The following WASL variants were observed in gnomAD, a reference collection of about 807,000 sequenced individuals.
WASL encodes the protein WASP like actin nucleation promoting factor, also known as actin nucleation-promoting factor WASL.
WASL carries 20 observed loss-of-function variants against 55.5 expected under a neutral mutation model. The ratio of observed to expected loss-of-function variants is 0.36; its 90% CI spans 0.25 to 0.52. WASL has a LOEUF of 0.52. Ranked by LOEUF, WASL falls within the 20% of genes least tolerant of loss-of-function variation. The pLI is 0.92. For synonymous variants in WASL, 249 were observed against 217.6 expected, an observed-to-expected ratio of 1.14 and a Z score of -1.27; for missense variants, 504 against 622.5, an observed-to-expected ratio of 0.81 and a Z score of 2.03.
Position 123,714,359 on chromosome 7 carries a change from AAAAC to A in WASL, c.118-5140_118-5137del, listed in dbSNP as rs1335008905. On this transcript the variant is annotated intron_variant, in intron 1 of 10. Transcript: ENST00000223023. Reference sequence around the variant, plus strand: ...GAGAAATAACCAGAAAAGAAAAGAGAAAACAAACAAAAACAGTACACGTTTTAAA... The same window carrying A: ...GAGAAATAACCAGAAAAGAAAAGAGAAAACAAAAACAGTACACGTTTTAAA... Among the ~76,000 whole-genome samples the A allele has an allele frequency of 3.9e-5, 6 of 152,290 alleles. No individual in the cohort carries two copies. In the East Asian group the frequency reaches 1.2e-3, roughly 29 times the overall value.
At chr7:123,717,507 C>T (rs71574757) in intron 1 of WASL, among the ~76,000 whole-genome samples, 123 of 152,288 alleles carry the variant, frequency 8.1e-4, no homozygotes, top group African/African-American at 2.9e-3. Context: ...ATGATGCATC[C>T]GGACTCAATC....
At chr7:123,695,768 G>T (rs1315615805) in intron 7 of WASL, 55 bp downstream of exon 7, 1 of 1,555,924 alleles carries the variant, frequency 6.4e-7, no homozygotes, top group Non-Finnish European at 8.8e-7. Flanking sequence ...ATCTAAAATA[G>T]GCCAACACAT....
intron 2 of WASL, among the ~76,000 whole-genome samples, chr7:123,707,103 C>T (rs1803684340): frequency 1.3e-5 from 2 of 152,094 alleles, no homozygotes; most frequent in Admixed American, 1.3e-4. Context: ...TTTCCAAATT[C>T]AGCTACTTGG....
intron 5 of WASL, among the ~76,000 whole-genome samples, chr7:123,700,485 G>C (rs1234490119): frequency 6.6e-6 from 1 of 151,566 alleles, no homozygotes; most frequent in Non-Finnish European, 1.5e-5. Flanking sequence ...CTCTCGCCCA[G>C]GCTGGAGTGC....
chr7:123,715,103 C>A (rs1439423034), intron 1 of WASL, among the ~76,000 whole-genome samples: 1 of 152,152 alleles, frequency 6.6e-6, no homozygotes, highest in Non-Finnish European at 1.5e-5. Flanking sequence ...AGTTTGGAAA[C>A]CTTGACTGGA....
chr7:123,688,959 G>T (rs1803346326), intron 10 of WASL, 83 bp downstream of exon 10: 2 of 1,181,244 alleles, frequency 1.7e-6, no homozygotes, highest in Non-Finnish European at 2.5e-6. Flanking sequence ...AAAAATAACA[G>T]AACGTCAAAC....
Position 123,741,269 on chromosome 7 carries a change from A to G in WASL, c.117+7349T>C, listed in dbSNP as rs535780094. Among the ~76,000 whole-genome samples, 3 of 152,292 alleles carry G rather than the reference A, an allele frequency of 2.0e-5. No homozygotes were observed. In the South Asian group the frequency reaches 6.2e-4, roughly 32 times the overall value. ...CAGCTCACATTTATTTCATTAATTA[A>G]TATTAGAAGTGTTTTTGTCTTTATT... is the stretch of plus-strand genomic sequence containing the variant. On this transcript the variant is annotated intron_variant, in intron 1 of 10. Coordinates refer to ENST00000223023, the MANE Select transcript of WASL (RefSeq NM_003941.4).
At chr7:123,709,797 C>A (rs754131681) in intron 1 of WASL, among the ~76,000 whole-genome samples, 20 of 152,086 alleles carry the variant, frequency 1.3e-4, no homozygotes, top group Non-Finnish European at 2.2e-4. Context: ...GTATTACCAC[C>A]CTGGAAGGCA....
At chr7:123,727,979 T>C (rs1325269687) in intron 1 of WASL, among the ~76,000 whole-genome samples, 1 of 152,166 alleles carries the variant, frequency 6.6e-6, no homozygotes, top group African/African-American at 2.4e-5. Context: ...AATGTAACCT[T>C]ACTTGCTTTA....
At chr7:123,708,464 A>T (rs1442542446) in intron 2 of WASL, among the ~76,000 whole-genome samples, 3 of 152,108 alleles carry the variant, frequency 2.0e-5, no homozygotes, top group African/African-American at 4.8e-5. Flanking sequence ...AAGGTTTTTT[A>T]AAAAAATAAT....
At chr7:123,737,087 T>C (rs1025924524) in intron 1 of WASL, among the ~76,000 whole-genome samples, 2 of 152,194 alleles carry the variant, frequency 1.3e-5, no homozygotes, top group African/African-American at 4.8e-5. Flanking sequence ...CTGGGCCACA[T>C]TCAAAGAAGA....
chr7:123,741,859 G>A (rs1318098729), intron 1 of WASL, among the ~76,000 whole-genome samples: 1 of 152,110 alleles, frequency 6.6e-6, no homozygotes. Flanking sequence ...CTGTACTTTG[G>A]CCAACGCTTA....
chr7:123,684,492 AATAT>A lies in WASL; in HGVS notation c.*23_*26del, dbSNP rs5887151. The A allele has an allele frequency of 6.9e-3, 3,387 of 491,874 alleles. No individual in the cohort carries two copies. Among genetic ancestry groups the A allele is most frequent in the South Asian group, 0.015 (251 of 17,042 alleles). The allele number at this position is 491,874 out of a possible 1,614,324, so 30.5% of individuals were successfully genotyped here. On this transcript the variant is annotated 3_prime_UTR_variant, in exon 11 of 11. Transcript: ENST00000223023. ...GTAGTGTTTAGTATTTCACCTTAAA[AATAT>A]ATATATATATATAATATATAGATCA...
chr7:123,717,632 T>C (rs1803867768), intron 1 of WASL, among the ~76,000 whole-genome samples: 1 of 152,226 alleles, frequency 6.6e-6, no homozygotes, highest in Non-Finnish European at 1.5e-5. Flanking sequence ...AAATGAGATG[T>C]AAAGTTCTCC....
At position 123,689,146 on chromosome 7, in the gene WASL, G is replaced by A. The variant is rs897383305; in HGVS notation, c.1352C>T (p.Ala451Val). 9 of 1,611,204 alleles carry A rather than the reference G, an allele frequency of 5.6e-6. No individual in the cohort carries two copies. The highest frequency in any genetic ancestry group is 5.4e-5 in the African/African-American group (4 of 74,694). ...TGGTGGTGTAGACTCTTGGCCATCAGCCACCTTGGAAAAGAAAGTTAGCAA... is the reference window on the plus strand; with the variant it reads ...TGGTGGTGTAGACTCTTGGCCATCAACCACCTTGGAAAAGAAAGTTAGCAA... ...IRQGIQLKSV[A>V]DGQESTPPTP... The change falls in exon 10 of 11, where the codon GCT (alanine) becomes GTT (valine). Residue 451 changes from alanine to valine, a missense_variant. This residue lies in a region of WASL where 53 missense variants were observed against 69.1 expected (regional missense o/e 0.77). Transcript: ENST00000223023.
At chr7:123,707,553 G>A (rs1017861587) in intron 2 of WASL, among the ~76,000 whole-genome samples, 4 of 152,156 alleles carry the variant, frequency 2.6e-5, no homozygotes, top group African/African-American at 9.7e-5. Flanking sequence ...GAAATAAGTG[G>A]TTAGAGAAAG....
intron 1 of WASL, among the ~76,000 whole-genome samples, chr7:123,734,934 A>G (rs1412612715): frequency 6.6e-6 from 1 of 152,112 alleles, no homozygotes; most frequent in Non-Finnish European, 1.5e-5. Flanking sequence ...CTTTCTGCAC[A>G]ATTTTCCTGT....
Position 123,748,845 on chromosome 7 carries a change from C to A in WASL, c.-111G>T. On this transcript the variant is annotated 5_prime_UTR_variant, in exon 1 of 11. An upstream start codon of the reference 5' UTR is lost. Coordinates refer to ENST00000223023, the MANE Select transcript of WASL (RefSeq NM_003941.4). ...GGGAGAAGTGGAGTCAGAGGCGCCA[C>A]ATCTCGCAGCTCCTCCGGAGCGGGG... 1.2e-6 allele frequency: 1 copy of A among 850,302 alleles called. No homozygotes were observed. The highest frequency in any genetic ancestry group is 1.8e-5 in the South Asian group (1 of 56,724). 52.7% of individuals were successfully genotyped at this position (850,302 alleles called of 1,614,324 possible). A position where few individuals can be genotyped will look rare whatever the true frequency, so the allele number is the denominator to read the frequency against.
chr7:123,748,972 G>A lies in WASL; in HGVS notation c.-238C>T, dbSNP rs757467750. 1.8e-4 allele frequency: 96 copies of A among 537,766 alleles called. No individual in the cohort carries two copies. The highest frequency in any genetic ancestry group is 2.8e-4 in the Non-Finnish European group (86 of 306,188). The allele number at this position is 537,766 out of a possible 1,614,324, so 33.3% of individuals were successfully genotyped here. A position where few individuals can be genotyped will look rare whatever the true frequency, so the allele number is the denominator to read the frequency against. On this transcript the variant is annotated 5_prime_UTR_variant, in exon 1 of 11. Transcript: ENST00000223023. ...CACCCGCCCGGCCAGGCTAGGGCCG[G>A]ATGGTCGTTGTCCTCGCACTCCGGC...
Sources: gnomAD v4.1 joint callset for allele counts (sites outside exome capture counted in the v4.1 genomes callset) on GRCh38, gnomAD v4.1.1 for gene constraint, gnomAD v4.1.1 regional missense constraint, MANE v1.5 for transcripts, NCBI Gene and HGNC (gene_info 2026-07-23, HGNC 2026-07-21) for gene names.